CPNE4: variants seen among roughly 807,000 people sequenced by gnomAD.
CPNE4 encodes copine 4, also known as copine-4.
Under a neutral mutation model 67.9 loss-of-function variants are expected in CPNE4, and 25 were observed. The ratio of observed to expected loss-of-function variants is 0.37; its 90% confidence interval spans 0.27 to 0.51. The LOEUF is 0.51. CPNE4 is among the 20% of genes least tolerant of loss of function. The pLI, the probability that CPNE4 is intolerant of heterozygous loss-of-function variation, is 0.93. For synonymous variants in CPNE4, 242 were observed against 244.9 expected (o/e 0.99, Z 0.11); for missense variants, 464 against 690.8 (o/e 0.67, Z 3.68).
At chr3:131,715,844 CT>C (rs1205307831) in intron 3 of CPNE4, among the ~76,000 whole-genome samples, 1 of 152,198 alleles carries the variant, frequency 6.6e-6, no homozygotes, top group African/African-American at 2.4e-5. Context: ...TCACATCTCT[CT>C]TTGGCGTACC....
chr3:131,571,271 C>G (rs1340827386), intron 10 of CPNE4, among the ~76,000 whole-genome samples: 1 of 152,042 alleles, frequency 6.6e-6, no homozygotes, highest in Non-Finnish European at 1.5e-5. Context: ...CCCCTCTTTC[C>G]TCTGCTGCCA....
chr3:131,587,655 T>G (rs1938275494), intron 7 of CPNE4, 73 bp from the exon 8 acceptor site: 1 of 1,093,528 alleles, frequency 9.1e-7, no homozygotes, highest in East Asian at 2.4e-5. Flanking sequence ...AATGTTAACT[T>G]TAGGAGAAAG....
chr3:131,869,326 T>C (rs1436626411), intron 2 of CPNE4, among the ~76,000 whole-genome samples: 2 of 152,214 alleles, frequency 1.3e-5, no homozygotes, highest in Admixed American at 6.5e-5. Flanking sequence ...CCTTAGCAGC[T>C]GAAGCATAAA....
chr3:131,592,351 G>C (rs1357441085), intron 7 of CPNE4, among the ~76,000 whole-genome samples: 1 of 152,104 alleles, frequency 6.6e-6, no homozygotes, highest in Non-Finnish European at 1.5e-5. Flanking sequence ...ACTAACACTA[G>C]GTAATCCTTG....
At chr3:131,753,107 G>A (rs1243927071) in intron 2 of CPNE4, among the ~76,000 whole-genome samples, 1 of 151,730 alleles carries the variant, frequency 6.6e-6, no homozygotes, top group East Asian at 1.9e-4. Context: ...TAACAAAATA[G>A]AGAGATCAGA....
intron 2 of CPNE4, among the ~76,000 whole-genome samples, chr3:131,794,241 C>CTT (rs560693108): frequency 0.13 from 18,568 of 141,966 alleles, 1,283 homozygotes; most frequent in African/African-American, 0.17. Context: ...TTGGAAACAA[C>CTT]TTTTTTTTTT....
chr3:131,585,939 G>T (rs1300488623), intron 8 of CPNE4, among the ~76,000 whole-genome samples: 1 of 152,114 alleles, frequency 6.6e-6, no homozygotes, highest in Non-Finnish European at 1.5e-5. Flanking sequence ...AGCAGGTTTT[G>T]CAGGAACTAA....
At chr3:131,805,299 G>T (rs544966187) in intron 2 of CPNE4, among the ~76,000 whole-genome samples, 1 of 152,168 alleles carries the variant, frequency 6.6e-6, no homozygotes, top group African/African-American at 2.4e-5. Flanking sequence ...GGGAGCTCTC[G>T]TGCTTCCCAT....
intron 5 of CPNE4, among the ~76,000 whole-genome samples, chr3:131,686,683 C>T (rs566463142): frequency 3.9e-5 from 6 of 152,332 alleles, no homozygotes; most frequent in Admixed American, 3.3e-4. Context: ...GGGTGTTCTT[C>T]CTTGACAAGT....
intron 7 of CPNE4, among the ~76,000 whole-genome samples, chr3:131,659,350 T>C (rs982798341): frequency 1.3e-5 from 2 of 152,208 alleles, no homozygotes; most frequent in African/African-American, 4.8e-5. Flanking sequence ...ATCTTCCCAG[T>C]AGCTGGTTAG....
At chr3:131,650,046 A>G (rs2079769269) in intron 7 of CPNE4, among the ~76,000 whole-genome samples, 1 of 152,168 alleles carries the variant, frequency 6.6e-6, no homozygotes, top group South Asian at 2.1e-4. Flanking sequence ...CTTGTTTCTT[A>G]GAAGACAGAC....
At chr3:131,570,243 T>C (rs571970418) in intron 10 of CPNE4, among the ~76,000 whole-genome samples, 152 of 151,924 alleles carry the variant, frequency 1.0e-3, no homozygotes, top group Non-Finnish European at 1.7e-3. Flanking sequence ...ACAATGAACA[T>C]TTTTGAGCAT....
chr3:131,676,072 T>TATTATTA (rs1231966868), intron 6 of CPNE4, among the ~76,000 whole-genome samples: 1 of 145,296 alleles, frequency 6.9e-6, no homozygotes, highest in African/African-American at 2.6e-5. Context: ...TTATTATTAT[T>TATTATTA]TGAGATGGAG....
At chr3:131,860,903 T>G (rs1021892939) in intron 2 of CPNE4, among the ~76,000 whole-genome samples, 1 of 152,206 alleles carries the variant, frequency 6.6e-6, no homozygotes, top group East Asian at 1.9e-4. Context: ...GAGAAAAAAG[T>G]GCTCTGTCCG....
At chr3:131,974,601 T>C (rs777884554) in intron 1 of CPNE4, among the ~76,000 whole-genome samples, 3 of 152,162 alleles carry the variant, frequency 2.0e-5, no homozygotes, top group Admixed American at 6.5e-5. Flanking sequence ...AAGGTTACCA[T>C]TCACAGAAAA....
intron 7 of CPNE4, among the ~76,000 whole-genome samples, chr3:131,617,826 A>C (rs1388052924): frequency 1.3e-5 from 2 of 152,182 alleles, no homozygotes; most frequent in Non-Finnish European, 2.9e-5. Context: ...GAAAGACTTT[A>C]ATTCTGAGTC....
chr3:131,618,577 G>A (rs542620726), intron 7 of CPNE4, among the ~76,000 whole-genome samples: 1 of 152,174 alleles, frequency 6.6e-6, no homozygotes, highest in South Asian at 2.1e-4. Flanking sequence ...AGCATTTCTA[G>A]GATATTTATG....
chr3:131,776,084 C>T (rs1251806954), intron 2 of CPNE4, among the ~76,000 whole-genome samples: 1 of 152,140 alleles, frequency 6.6e-6, no homozygotes, highest in Non-Finnish European at 1.5e-5. Flanking sequence ...TTCACATTTA[C>T]CTCTTCTCTC....
chr3:131,636,068 G>A (rs1044623325), intron 7 of CPNE4, among the ~76,000 whole-genome samples: 2 of 83,042 alleles, frequency 2.4e-5, no homozygotes, highest in Non-Finnish European at 4.0e-5. Context: ...GCGACAGAGC[G>A]AGACTCCGTC....
Sources: gnomAD v4.1 joint callset for allele counts (sites outside exome capture counted in the v4.1 genomes callset) on GRCh38, gnomAD v4.1.1 for gene constraint, MANE v1.5 for transcripts, NCBI Gene and HGNC (gene_info 2026-07-23, HGNC 2026-07-21) for gene names.